LDLRAD4: variants seen among roughly 807,000 people sequenced by gnomAD.
LDLRAD4 encodes low-density lipoprotein receptor class A domain-containing protein 4.
Under a neutral mutation model 17.0 loss-of-function variants are expected in LDLRAD4, and 5 were observed. The observed-to-expected ratio is 0.29, with a 90% confidence interval of 0.15 to 0.62. The LOEUF (loss-of-function observed/expected upper bound fraction) is 0.62, where lower values mean the gene tolerates loss of function less well. Among genes scored for constraint, LDLRAD4 ranks in the 20% least tolerant of loss-of-function variants. The pLI is 0.84. For synonymous variants in LDLRAD4, 168 were observed against 171.8 expected, an observed-to-expected ratio of 0.98 and a Z score of 0.17; for missense variants, 340 against 424.7, an observed-to-expected ratio of 0.80 and a Z score of 1.75.
chr18:13,629,317 T>C (rs1240932163), intron 4 of LDLRAD4, among the ~76,000 whole-genome samples: 1 of 152,208 alleles, frequency 6.6e-6, no homozygotes, highest in Non-Finnish European at 1.5e-5. Flanking sequence ...TCAAACCAAA[T>C]GATACAATTT....
chr18:13,268,606 G>A lies in LDLRAD4; in HGVS notation c.-466-9499G>A, dbSNP rs751191141. ...ACCTAAGTTGTTAACTCCAGACTTC[G>A]CTGCTTTCTTAAAGGCTAAAGTAAT... On this transcript the variant is annotated intron_variant, in intron 1 of 5. Transcript: ENST00000399848. Among the ~76,000 whole-genome samples, 6 of 152,138 alleles carry A rather than the reference G, an allele frequency of 3.9e-5. No homozygotes were observed. In the South Asian group the frequency reaches 8.3e-4, roughly 21 times the overall value.
In LDLRAD4 at chr18:13,391,127, C is replaced by T. The variant is rs1250165402; in HGVS notation, c.40+3365C>T. Among the ~76,000 whole-genome samples, 5 of 152,244 alleles carry T rather than the reference C, an allele frequency of 3.3e-5. No homozygotes were observed. In the East Asian group the frequency reaches 7.7e-4, roughly 23 times the overall value. On this transcript the variant is annotated intron_variant, in intron 2 of 5. Transcript: ENST00000359446. ...CTGGGCTAATAGAAAGGAGTCTTGC[C>T]TTAGATAAGACATTGAGGCATCTTC...
intron 1 of LDLRAD4, among the ~76,000 whole-genome samples, chr18:13,272,169 C>G (rs2044595111): frequency 2.0e-5 from 3 of 152,206 alleles, no homozygotes; most frequent in Admixed American, 1.3e-4. Context: ...GCTGGGATTA[C>G]AGGCGTGAGC....
At position 13,440,300 on chromosome 18, in the gene LDLRAD4, G is replaced by A. The variant is rs540788195; in HGVS notation, c.181+1916G>A. The stretch of plus-strand genomic sequence containing the variant: ...TCCTCCCTCGCTCCCTTTCTTGTCA[G>A]TATTCTTTCCGGTTTTTGAGGCCTA... On this transcript the variant is annotated intron_variant, in intron 3 of 5. Coordinates refer to ENST00000359446, the Ensembl canonical transcript of LDLRAD4. This position sits in a 1 kb window ranked among gnomAD's most constrained non-coding sequence, Gnocchi z 4.4. 6.6e-6 allele frequency among the ~76,000 whole-genome samples: 1 copy of A among 152,052 alleles called. No individual in the cohort carries two copies. The highest frequency in any genetic ancestry group is 2.1e-4 in the South Asian group (1 of 4,818).
At chr18:13,452,872 C>T (rs1427759041) in intron 3 of LDLRAD4, among the ~76,000 whole-genome samples, 1 of 152,140 alleles carries the variant, frequency 6.6e-6, no homozygotes, top group Non-Finnish European at 1.5e-5. Context: ...CCAGCCTCAG[C>T]CTGAGGGGTG....
At chr18:13,647,745 C>T (rs1377237913) in exon 6 of LDLRAD4, 3 of 152,276 alleles carry the variant, frequency 2.0e-5, no homozygotes, top group African/African-American at 7.2e-5. Context: ...AACACAGGCA[C>T]CAGTTGTCAG....
intron 3 of LDLRAD4, among the ~76,000 whole-genome samples, chr18:13,456,142 G>A (rs2092121263): frequency 6.6e-6 from 1 of 152,218 alleles, no homozygotes. Flanking sequence ...GCAGGAAACA[G>A]GGCAGAGTTC....
chr18:13,574,297 C>T (rs533859969), intron 3 of LDLRAD4, among the ~76,000 whole-genome samples: 1 of 152,140 alleles, frequency 6.6e-6, no homozygotes, highest in African/African-American at 2.4e-5. Flanking sequence ...GGCTACAGCT[C>T]CTGAGGAAGC....
chr18:13,443,785 G>A (rs116118506), intron 3 of LDLRAD4, among the ~76,000 whole-genome samples: 359 of 151,666 alleles, frequency 2.4e-3, no homozygotes, highest in African/African-American at 7.9e-3. Context: ...TGCAGTTTCC[G>A]TACTCTGGAT....
intron 1 of LDLRAD4, among the ~76,000 whole-genome samples, chr18:13,336,902 C>A (rs542961062): frequency 6.6e-6 from 1 of 152,070 alleles, no homozygotes; most frequent in African/African-American, 2.4e-5. Context: ...AGGGAGTATT[C>A]GTCTATTAGT....
intron 3 of LDLRAD4, among the ~76,000 whole-genome samples, chr18:13,599,926 G>A (rs2095141489): frequency 6.6e-6 from 1 of 152,142 alleles, no homozygotes; most frequent in African/African-American, 2.4e-5. Flanking sequence ...GCAAAAGAAA[G>A]AAAATTATCT....
Position 13,396,855 on chromosome 18 carries a change from A to G in LDLRAD4, c.40+9093A>G, listed in dbSNP as rs540096826. Among the ~76,000 whole-genome samples, 21 of 152,328 alleles carry G rather than the reference A, an allele frequency of 1.4e-4. No homozygotes were observed. The East Asian group carries it at 3.7e-3, about 27-fold the overall frequency. ...CAGTCTGCAGTTAGTTGAATCTGCAAATGTAGAAACTGTGGATACAGAGGG... is the reference window on the plus strand; with the variant it reads ...CAGTCTGCAGTTAGTTGAATCTGCAGATGTAGAAACTGTGGATACAGAGGG... On this transcript the variant is annotated intron_variant, in intron 2 of 5. Transcript: ENST00000359446.
intron 3 of LDLRAD4, among the ~76,000 whole-genome samples, chr18:13,560,448 T>C (rs1439684343): frequency 6.6e-6 from 1 of 152,194 alleles, no homozygotes; most frequent in East Asian, 1.9e-4. Context: ...GGGACCTGCA[T>C]CGTACCTGAG....
intron 1 of LDLRAD4, among the ~76,000 whole-genome samples, chr18:13,318,167 C>T (rs779001415): frequency 6.6e-6 from 1 of 152,220 alleles, no homozygotes; most frequent in Non-Finnish European, 1.5e-5. Flanking sequence ...GGACCGCTCA[C>T]CTGGAGCTTC....
chr18:13,645,683 GA>G lies in LDLRAD4; in HGVS notation c.*27del. 1 of 1,494,150 alleles carries G rather than the reference GA, an allele frequency of 6.7e-7. No individual in the cohort carries two copies. The highest frequency in any genetic ancestry group is 1.4e-5 in the South Asian group (1 of 69,260). 92.6% of individuals were successfully genotyped at this position (1,494,150 alleles called of 1,614,324 possible). A position where few individuals can be genotyped will look rare whatever the true frequency, so the allele number is the denominator to read the frequency against. ...TTCCTTCCAACGTGCACTTCAGCTG[GA>G]GAAAGAAACCAAGAAGGGAAGCGGC... is the stretch of plus-strand genomic sequence containing the variant. On this transcript the variant is annotated 3_prime_UTR_variant, in exon 6 of 6. Coordinates refer to ENST00000359446, the Ensembl canonical transcript of LDLRAD4. This position sits in a 1 kb window ranked among gnomAD's most constrained non-coding sequence, Gnocchi z 5.7.
intron 3 of LDLRAD4, among the ~76,000 whole-genome samples, chr18:13,525,114 A>C (rs1357268634): frequency 6.6e-6 from 1 of 152,210 alleles, no homozygotes; most frequent in Non-Finnish European, 1.5e-5. Context: ...GACTAAATTC[A>C]TCTGGATACG....
chr18:13,519,410 T>C (rs184881193), intron 3 of LDLRAD4, among the ~76,000 whole-genome samples: 6 of 152,296 alleles, frequency 3.9e-5, no homozygotes, highest in East Asian at 3.9e-4. Context: ...CCTTCTTTCA[T>C]TGATTTCCTC....
At chr18:13,459,275 T>A (rs189087488) in intron 3 of LDLRAD4, among the ~76,000 whole-genome samples, 117 of 149,698 alleles carry the variant, frequency 7.8e-4, no homozygotes, top group Non-Finnish European at 1.4e-3. Context: ...GAGCTTGAGG[T>A]TACAGTGAGC....
chr18:13,292,296 T>C (rs1347349509), intron 1 of LDLRAD4, among the ~76,000 whole-genome samples: 4 of 152,256 alleles, frequency 2.6e-5, no homozygotes, highest in African/African-American at 4.8e-5. Flanking sequence ...GCTGGCACAA[T>C]GCCTGGGCGT....
Sources: gnomAD v4.1 joint callset for allele counts (sites outside exome capture counted in the v4.1 genomes callset) on GRCh38, gnomAD v4.1.1 for gene constraint, Gnocchi (gnomAD v3.1) non-coding constraint, MANE v1.5 for transcripts, NCBI Gene and HGNC (gene_info 2026-07-23, HGNC 2026-07-21) for gene names.